CHL1: variants seen among roughly 807,000 people sequenced by gnomAD.
CHL1 encodes the protein cell adhesion molecule L1 like, also known as neural cell adhesion molecule L1-like protein.
CHL1 carries 96 observed loss-of-function variants against 141.9 expected under a neutral mutation model. The ratio of observed to expected loss-of-function variants is 0.68; its 90% confidence interval spans 0.57 to 0.80. CHL1 has a LOEUF of 0.80. CHL1 is among the 30% of genes least tolerant of loss of function. The probability of loss-of-function intolerance (pLI) is 0.00; values close to 1 mark genes in which losing one functional copy is unlikely to be tolerated. For synonymous variants in CHL1, 613 were observed against 502.2 expected, an observed-to-expected ratio of 1.22 and a Z score of -2.95; for missense variants, 1,820 against 1,457.2, an observed-to-expected ratio of 1.25 and a Z score of -4.05.
rs1692551093 is a variant in CHL1, at chr3:241,457, G to C, written c.-174-3156G>C. ...AAAACAAGTGACCCTGACTTCCGCT[G>C]ATCCGCAGCTCTCATATTACACCAG... On this transcript the variant is annotated intron_variant, in intron 1 of 27. Coordinates refer to ENST00000256509, the MANE Select transcript of CHL1 (RefSeq NM_006614.4). Among the ~76,000 whole-genome samples the C allele has an allele frequency of 2.0e-5, 3 of 152,172 alleles. No homozygotes were observed. The South Asian group carries it at 6.2e-4, about 31-fold the overall frequency.
chr3:242,179 G>T (rs930869867), intron 1 of CHL1, among the ~76,000 whole-genome samples: 2 of 152,076 alleles, frequency 1.3e-5, no homozygotes, highest in African/African-American at 2.4e-5. Context: ...ACATGTGTGT[G>T]TATGTATATA....
chr3:255,292 C>G (rs1454528723), intron 2 of CHL1, among the ~76,000 whole-genome samples: 2 of 152,138 alleles, frequency 1.3e-5, no homozygotes, highest in Non-Finnish European at 2.9e-5. Flanking sequence ...TGACTGGAGT[C>G]CCAGCTGCTA....
chr3:251,324 T>A (rs1693675210), intron 2 of CHL1, among the ~76,000 whole-genome samples: 1 of 152,136 alleles, frequency 6.6e-6, no homozygotes, highest in African/African-American at 2.4e-5. Context: ...AGAATGGATT[T>A]TAGTTCCAGA....
intron 1 of CHL1, among the ~76,000 whole-genome samples, chr3:231,155 A>G (rs1701816053): frequency 6.6e-6 from 1 of 152,208 alleles, no homozygotes. Context: ...AATTTTGTGC[A>G]GTAAAATATC....
intron 27 of CHL1, among the ~76,000 whole-genome samples, chr3:404,989 C>A (rs1019495016): frequency 3.3e-5 from 5 of 152,160 alleles, no homozygotes; most frequent in Non-Finnish European, 7.4e-5. Flanking sequence ...CTCTTTGTGT[C>A]CTCACATCGT....
intron 2 of CHL1, among the ~76,000 whole-genome samples, chr3:299,580 A>G (rs1425000414): frequency 6.6e-6 from 1 of 152,184 alleles, no homozygotes; most frequent in Non-Finnish European, 1.5e-5. Context: ...TATTCATGAC[A>G]GATTAGGAGG....
intron 15 of CHL1, among the ~76,000 whole-genome samples, chr3:367,253 C>T (rs953321790): frequency 1.3e-5 from 2 of 152,202 alleles, no homozygotes; most frequent in Non-Finnish European, 2.9e-5. Context: ...AGCCAAATCT[C>T]CCCTCTCATT....
In CHL1 at chr3:382,232, G is replaced by T. The variant is rs1355900950; in HGVS notation, c.1930G>T (p.Val644Phe). Residue 644 changes from valine to phenylalanine, a missense_variant, in exon 17 of 28, where the codon GTT (valine) becomes TTT (phenylalanine). Val to Phe is a conservative substitution (Grantham distance 50). Transcript: ENST00000256509. ...LHLSERQNRS[V>F]RLTWEAGADH... ...CTTGTCTGAAAGACAGAACAGGAGT[G>T]TTCGGCTGACCTGGGAAGCTGGAGC... 1 of 1,613,796 alleles carries T rather than the reference G, an allele frequency of 6.2e-7. No individual in the cohort carries two copies. The highest frequency in any genetic ancestry group is 2.2e-5 in the East Asian group (1 of 44,876).
intron 2 of CHL1, among the ~76,000 whole-genome samples, chr3:303,179 G>A (rs1409306291): frequency 2.6e-5 from 4 of 152,136 alleles, no homozygotes; most frequent in Admixed American, 1.3e-4. Context: ...GTAGCGTGAT[G>A]CCTCTAGCTT....
intron 2 of CHL1, among the ~76,000 whole-genome samples, chr3:310,035 C>T (rs141609843): frequency 3.5e-4 from 53 of 151,926 alleles, no homozygotes; most frequent in African/African-American, 1.2e-3. Flanking sequence ...AAAATTCCTG[C>T]CATGGTACTG....
chr3:230,218 C>A (rs973766452), intron 1 of CHL1, among the ~76,000 whole-genome samples: 2 of 152,140 alleles, frequency 1.3e-5, no homozygotes, highest in Admixed American at 6.6e-5. Context: ...GAAAACATGT[C>A]TTTTAAGCTC....
rs890626052 is a variant in CHL1 at position 206,720 on chromosome 3, A to G, written c.-175+9657A>G. The stretch of plus-strand genomic sequence containing the variant: ...TGTGTTCTCTCCAAAATCAAGTCAT[A>G]TAAGCGTCTAATGGTCTGACTCTTC... On this transcript the variant is annotated intron_variant, in intron 1 of 27. Transcript: ENST00000256509. 3.3e-5 allele frequency among the ~76,000 whole-genome samples: 5 copies of G among 152,336 alleles called. No homozygotes were observed. The East Asian group carries it at 5.8e-4, about 18-fold the overall frequency.
chr3:310,719 G>T (rs1161596069), intron 2 of CHL1, among the ~76,000 whole-genome samples: 4 of 152,138 alleles, frequency 2.6e-5, no homozygotes, highest in African/African-American at 9.7e-5. Flanking sequence ...TACAACTGAT[G>T]AACCTACATT....
At chr3:323,665 AC>A (rs1234979095) in intron 3 of CHL1, among the ~76,000 whole-genome samples, 2 of 152,146 alleles carry the variant, frequency 1.3e-5, no homozygotes, top group Non-Finnish European at 2.9e-5. Context: ...GAACAAATCA[AC>A]CCTATTTCAA....
chr3:363,420 A>T, intron 14 of CHL1, 37 bp downstream of exon 14: 1 of 1,563,220 alleles, frequency 6.4e-7, no homozygotes. Context: ...ATGAATTGTC[A>T]CATGGGTTCA....
At chr3:351,970 T>C (rs1230051842) in intron 10 of CHL1, among the ~76,000 whole-genome samples, 1 of 152,136 alleles carries the variant, frequency 6.6e-6, no homozygotes, top group Non-Finnish European at 1.5e-5. Flanking sequence ...CAAAATATAA[T>C]CACAATCACA....
chr3:337,183 T>A (rs1245090150), intron 5 of CHL1, among the ~76,000 whole-genome samples: 1 of 99,136 alleles, frequency 1.0e-5, no homozygotes. Context: ...AAACATTCTT[T>A]TGTTTTTGTT....
intron 2 of CHL1, 128 bp downstream of exon 2, chr3:244,820 G>A (rs1278365922): frequency 1.3e-5 from 2 of 152,084 alleles, no homozygotes; most frequent in East Asian, 3.9e-4. Context: ...CTTCACTACG[G>A]TCTTAGCGTA....
chr3:316,305 C>A (rs1301945362), intron 2 of CHL1, among the ~76,000 whole-genome samples: 1 of 151,898 alleles, frequency 6.6e-6, no homozygotes, highest in East Asian at 1.9e-4. Context: ...GACTCTAGTA[C>A]CCTCACTATC....
Sources: gnomAD v4.1 joint callset for allele counts (sites outside exome capture counted in the v4.1 genomes callset) on GRCh38, gnomAD v4.1.1 for gene constraint, MANE v1.5 for transcripts, NCBI Gene and HGNC (gene_info 2026-07-23, HGNC 2026-07-21) for gene names.